Variants in RALGDS observed in about 807,000 individuals in gnomAD.
RALGDS encodes ral guanine nucleotide exchange factor.
RALGDS carries 44 observed loss-of-function variants against 99.8 expected under a neutral mutation model. The ratio of observed to expected loss-of-function variants is 0.44; its 90% confidence interval spans 0.35 to 0.57. The LOEUF (loss-of-function observed/expected upper bound fraction) is 0.57, where lower values mean the gene tolerates loss of function less well. RALGDS is among the 20% of genes least tolerant of loss of function. RALGDS has a pLI of 0.01. For missense variants in RALGDS, 1,022 were observed against 1,203.1 expected, an observed-to-expected ratio of 0.85 and a Z score of 2.23; for synonymous variants, 529 against 505.0, an observed-to-expected ratio of 1.05 and a Z score of -0.64.
chr9:133,121,236 C>T lies in RALGDS; in HGVS notation c.-82G>A, dbSNP rs915655966. 1 of 980,874 alleles carries T rather than the reference C, an allele frequency of 1.0e-6. No individual in the cohort carries two copies. Among genetic ancestry groups the T allele is most frequent in the African/African-American group, 1.8e-5 (1 of 56,564 alleles). 60.8% of individuals were successfully genotyped at this position (980,874 alleles called of 1,614,324 possible). On this transcript the variant is annotated 5_prime_UTR_variant, in exon 1 of 18. The change creates a new upstream start codon in the 5' untranslated region. Coordinates refer to ENST00000372050, the MANE Select transcript of RALGDS (RefSeq NM_006266.4). ...CGGCCCGCGCGGCTGGGCTTTGCCA[C>T]CGCTGTGAGCCCGCGGCCCGGCCCT...
At chr9:133,138,731 T>A (rs1206299359) in intron 1 of RALGDS, among the ~76,000 whole-genome samples, 2 of 152,056 alleles carry the variant, frequency 1.3e-5, no homozygotes, top group Non-Finnish European at 2.9e-5. Flanking sequence ...GCCTCCCAGG[T>A]TCAAGCAATT....
chr9:133,101,834 A>T, intron 15 of RALGDS, 72 bp from the exon 16 acceptor site: 2 of 1,553,422 alleles, frequency 1.3e-6, no homozygotes, highest in Non-Finnish European at 1.7e-6. Context: ...CCAGATGGGG[A>T]ACCTTCTAGA....
chr9:133,114,430 A>G (rs1263290648), intron 1 of RALGDS, among the ~76,000 whole-genome samples: 1 of 152,126 alleles, frequency 6.6e-6, no homozygotes, highest in Non-Finnish European at 1.5e-5. Context: ...AAAGTGGCAG[A>G]GTAAGGCCTC....
At chr9:133,121,372 T>C (rs1041061457), upstream of RALGDS, 13 of 295,738 alleles carry the variant, frequency 4.4e-5, no homozygotes, top group Admixed American at 6.5e-5. Context: ...GGCCCCGCCC[T>C]CGCCGAGGTC....
At chr9:133,106,846 G>C in intron 7 of RALGDS, 98 bp from the exon 8 acceptor site, 1 of 1,020,774 alleles carries the variant, frequency 9.8e-7, no homozygotes, top group African/African-American at 1.6e-5. Flanking sequence ...TAATGAGACA[G>C]ACACCCAGGG....
upstream of RALGDS, chr9:133,131,133 C>T (rs368162102): frequency 3.4e-4 from 491 of 1,440,284 alleles, 2 homozygotes; most frequent in East Asian, 0.01. Flanking sequence ...AGCAGCACCT[C>T]GCTCCCAGCC....
At chr9:133,109,763 G>T in intron 3 of RALGDS, 42 bp from the exon 4 acceptor site, 1 of 1,544,886 alleles carries the variant, frequency 6.5e-7, no homozygotes, top group South Asian at 1.1e-5. Flanking sequence ...TCTCCGACTA[G>T]AACGGAGGCC....
At chr9:133,123,409 G>T (rs1003211077), upstream of RALGDS, among the ~76,000 whole-genome samples, 5 of 152,208 alleles carry the variant, frequency 3.3e-5, no homozygotes, top group Non-Finnish European at 5.9e-5. Flanking sequence ...TGAAGGTCCT[G>T]GGTGCTGGGG....
Position 133,102,503 on chromosome 9 carries a change from T to C in RALGDS, c.1982A>G (p.Asn661Ser). ...GCTCCAGCGCTTGACAATGGCTGTG[T>C]TCTTCTTGGTCCTGAGGGTGTTGCT... is the stretch of plus-strand genomic sequence containing the variant. ...SASNTLRTKK[N>S]TAIVKRWSDR... Residue 661 changes from asparagine (N) to serine (S), a missense_variant, in exon 14 of 18, where the codon AAC becomes AGC. Physicochemically the swap from Asn to Ser is conservative, Grantham distance 46. Transcript: ENST00000372050. 1 of 1,614,082 alleles carries C rather than the reference T, an allele frequency of 6.2e-7. No homozygotes were observed.
Position 133,108,178 on chromosome 9 carries a change from T to TCTAGTTCCAGAG in RALGDS, c.995_1006dup (p.Ala332_Leu335dup), listed in dbSNP as rs1468636452. On this transcript the variant is annotated inframe_insertion, in exon 6 of 18. Transcript: ENST00000372050. ...AGCTGGATCCTGTTCTGGAGCTGGC[T>TCTAGTTCCAGAG]CTAGTTCCAGAGCTGGCGCTGGAGC... is the stretch of plus-strand genomic sequence containing the variant. 1 of 1,613,426 alleles carries TCTAGTTCCAGAG rather than the reference T, an allele frequency of 6.2e-7. No homozygotes were observed. Among genetic ancestry groups the TCTAGTTCCAGAG allele is most frequent in the Non-Finnish European group, 8.5e-7 (1 of 1,179,970 alleles).
chr9:133,148,278 C>T (rs942296605), intron 1 of RALGDS, among the ~76,000 whole-genome samples: 1 of 152,232 alleles, frequency 6.6e-6, no homozygotes, highest in African/African-American at 2.4e-5. Context: ...TCTTTTCCTG[C>T]TTCCAGGTGA....
chr9:133,126,067 C>T (rs1302952735), upstream of RALGDS, among the ~76,000 whole-genome samples: 2 of 152,136 alleles, frequency 1.3e-5, no homozygotes, highest in Admixed American at 6.5e-5. Context: ...CTGTGCTTGG[C>T]GGTTGGAGCC....
intron 6 of RALGDS, 35 bp from the exon 7 acceptor site, chr9:133,107,335 C>A: frequency 6.4e-7 from 1 of 1,565,978 alleles, no homozygotes; most frequent in South Asian, 1.1e-5. Context: ...TGGTCCTGCC[C>A]CAGCAGTCTG....
intron 1 of RALGDS, among the ~76,000 whole-genome samples, chr9:133,138,199 CTCTT>C (rs1832456954): frequency 6.6e-6 from 1 of 152,216 alleles, no homozygotes; most frequent in Admixed American, 6.5e-5. Context: ...GCCCGCTGCC[CTCTT>C]TCTCACAGTC....
Position 133,109,630 on chromosome 9 carries a change from T to G in RALGDS, c.580A>C (p.Lys194Gln). 1.2e-6 allele frequency: 2 copies of G among 1,612,240 alleles called. No homozygotes were observed. Among genetic ancestry groups the G allele is most frequent in the Non-Finnish European group, 1.7e-6 (2 of 1,178,460 alleles). Residue 194 changes from lysine to glutamine, a missense_variant, in exon 4 of 18, where the codon AAA (lysine) becomes CAA (glutamine). By Grantham distance (53) the Lys-to-Gln change is moderately conservative. Transcript: ENST00000372050. ...CTTGGCTCAAAGCTCACTCACTTTT[T>G]AAGTTGGTCCTGGGGTCCACCATCC... ...DEDGGPQDQL[K>Q]NAISSILGTW... is the part of the protein sequence containing the mutation.
Position 133,106,639 on chromosome 9 carries a change from G to A in RALGDS, c.1517+6C>T, listed in dbSNP as rs987190554. The stretch of plus-strand genomic sequence containing the variant: ...GCACCAGGAGCTCCTACAGAGGCAT[G>A]CCCACCTGGAAACGTCTTCCCACGT... On this transcript the variant is annotated splice_donor_region_variant and intron_variant, in intron 8 of 17. Transcript: ENST00000372050. 3.1e-6 allele frequency: 5 copies of A among 1,597,932 alleles called. No individual in the cohort carries two copies. In the African/African-American group the frequency reaches 5.4e-5, roughly 17 times the overall value.
At chr9:133,107,343 C>T (rs372166696) in intron 6 of RALGDS, 43 bp from the exon 7 acceptor site, 31 of 1,530,326 alleles carry the variant, frequency 2.0e-5, no homozygotes, top group Non-Finnish European at 2.5e-5. Context: ...CCCCAGCAGT[C>T]TGGGCTGGTG....
chr9:133,109,685 T>C lies in RALGDS; in HGVS notation c.525A>G (p.Arg175=). The C allele has an allele frequency of 2.5e-6, 4 of 1,613,980 alleles. No homozygotes were observed. The highest frequency in any genetic ancestry group is 3.4e-6 in the Non-Finnish European group (4 of 1,179,990). Residue 175 remains arginine (R), a synonymous_variant, in exon 4 of 18, where the codon AGA becomes AGG. Transcript: ENST00000372050. ...GRCDALTASS[R]YGCILPYSDE... is the part of the protein sequence containing the mutation. ...CGGAATAGGGGAGGATGCAGCCGTATCTAGAGGAGGCCGTGAGGGCGTCAC... is the reference window on the plus strand; with the variant it reads ...CGGAATAGGGGAGGATGCAGCCGTACCTAGAGGAGGCCGTGAGGGCGTCAC...
chr9:133,131,782 T>C (rs1296152842), upstream of RALGDS, among the ~76,000 whole-genome samples: 1 of 152,158 alleles, frequency 6.6e-6, no homozygotes. Context: ...GGACTGAAAT[T>C]CTGATCCCCA....
Sources: allele counts gnomAD v4.1 joint callset (sites outside exome capture counted in the v4.1 genomes callset), GRCh38; gene constraint gnomAD v4.1.1; transcripts MANE v1.5; gene names NCBI Gene and HGNC (gene_info 2026-07-23, HGNC 2026-07-21).